PARP1: variants seen among roughly 807,000 people sequenced by gnomAD.
PARP1 encodes the protein poly [ADP-ribose] polymerase 1.
PARP1 carries 44 observed loss-of-function variants against 118.7 expected under a neutral mutation model. That is an observed-to-expected ratio of 0.37 (90% CI 0.29 to 0.48). The LOEUF is 0.48. PARP1 is among the 20% of genes least tolerant of loss of function. The pLI, the probability that PARP1 is intolerant of heterozygous loss-of-function variation, is 0.99. For missense variants in PARP1, 1,100 were observed against 1,272.4 expected (o/e 0.86, Z 2.06); for synonymous variants, 492 against 483.2 (o/e 1.02, Z -0.24).
rs752094167 is a variant in PARP1 at position 226,383,068 on chromosome 1, G to A, written c.1127C>T (p.Ala376Val). The A allele has an allele frequency of 1.9e-6, 3 of 1,612,936 alleles. No homozygotes were observed. The highest frequency in any genetic ancestry group is 2.7e-5 in the African/African-American group (2 of 75,044). The change falls in exon 8 of 23, where the codon GCT becomes GTT. Residue 376 changes from alanine to valine, a missense_variant. Physicochemically the swap from Ala to Val is moderately conservative, Grantham distance 64. Coordinates refer to ENST00000366794, the MANE Select transcript of PARP1 (RefSeq NM_001618.4). ...AATPPPSTAS[A>V]PAAVNSSASA... Reference sequence around the variant, plus strand: ...AGCAGAGGAGTTCACAGCAGCAGGAGCCGAGGCTGTGGAGGGCGGAGGCGT... The same window carrying A: ...AGCAGAGGAGTTCACAGCAGCAGGAACCGAGGCTGTGGAGGGCGGAGGCGT...
At chr1:226,389,843 C>G (rs1576399634) in intron 4 of PARP1, among the ~76,000 whole-genome samples, 1 of 152,160 alleles carries the variant, frequency 6.6e-6, no homozygotes, top group East Asian at 1.9e-4. Flanking sequence ...CAGACTGAGG[C>G]TGAGGGACCA....
Position 226,377,184 on chromosome 1 carries a change from G to GT in PARP1, c.1864dup (p.Thr622AsnfsTer23). The GT allele has an allele frequency of 1.2e-6, 2 of 1,614,096 alleles. No individual in the cohort carries two copies. Among genetic ancestry groups the GT allele is most frequent in the Non-Finnish European group, 1.7e-6 (2 of 1,180,006 alleles). On this transcript the variant is annotated frameshift_variant, in exon 13 of 23. Coordinates refer to ENST00000366794, the MANE Select transcript of PARP1 (RefSeq NM_001618.4). LOFTEE classifies it high-confidence loss of function. ...ATTTTTGGAGTGCCAAGCGTTCCCG[G>GT]TTTTTTCTTCATATAATTTCATGAA...
chr1:226,404,403 GCTTGTCTACCC>G (rs901344628), intron 1 of PARP1, among the ~76,000 whole-genome samples: 3 of 152,230 alleles, frequency 2.0e-5, no homozygotes, highest in African/African-American at 4.8e-5. Flanking sequence ...GGCTCTGCCT[GCTTGTCTACCC>G]CTTGTCTACC....
intron 1 of PARP1, 102 bp from the exon 2 acceptor site, chr1:226,402,481 G>A: frequency 9.1e-7 from 1 of 1,102,486 alleles, no homozygotes; most frequent in Non-Finnish European, 1.3e-6. Flanking sequence ...AGCCCCAGCA[G>A]TGGGATAGCA....
intron 9 of PARP1, 28 bp downstream of exon 9, chr1:226,381,040 C>T (rs979397250): frequency 6.2e-7 from 1 of 1,613,650 alleles, no homozygotes; most frequent in Non-Finnish European, 8.5e-7. Context: ...AGCATTGTCC[C>T]TGTTGCACAA....
chr1:226,390,761 G>C, intron 3 of PARP1, 137 bp from the exon 4 acceptor site: 1 of 761,708 alleles, frequency 1.3e-6, no homozygotes, highest in South Asian at 1.5e-5. Context: ...AGACTCATGA[G>C]CTTTTGAGAG....
intron 4 of PARP1, among the ~76,000 whole-genome samples, chr1:226,389,991 C>T (rs1019908012): frequency 6.6e-6 from 1 of 152,184 alleles, no homozygotes; most frequent in Non-Finnish European, 1.5e-5. Flanking sequence ...ATCCACTGCC[C>T]ATCCCCTAAC....
At chr1:226,380,510 A>C (rs540668410) in intron 9 of PARP1, among the ~76,000 whole-genome samples, 6 of 152,356 alleles carry the variant, frequency 3.9e-5, no homozygotes, top group African/African-American at 1.4e-4. Context: ...ACCCACACAG[A>C]AACCTGTTTA....
At chr1:226,381,557 GA>G (rs3219074) in intron 8 of PARP1, among the ~76,000 whole-genome samples, 34,224 of 152,180 alleles carry the variant, frequency 0.22, 4,615 homozygotes, top group African/African-American at 0.36. Context: ...CGGATGGGAA[GA>G]GGGGTAAGGT....
At chr1:226,403,517 A>T (rs1266076760) in intron 1 of PARP1, among the ~76,000 whole-genome samples, 1 of 152,210 alleles carries the variant, frequency 6.6e-6, no homozygotes, top group East Asian at 1.9e-4. Context: ...ATTGGGAAGA[A>T]GGGGAAGACA....
chr1:226,405,057 T>C (rs775787719), intron 1 of PARP1, among the ~76,000 whole-genome samples: 28 of 152,202 alleles, frequency 1.8e-4, no homozygotes, highest in Non-Finnish European at 3.7e-4. Flanking sequence ...AGGTATCAGA[T>C]ACTCAGAGAA....
chr1:226,365,542 G>A (rs188591712), intron 18 of PARP1, among the ~76,000 whole-genome samples: 17 of 152,228 alleles, frequency 1.1e-4, no homozygotes, highest in Admixed American at 3.9e-4. Flanking sequence ...CAACGCAGGC[G>A]GATCATCTGA....
At chr1:226,393,038 A>C in intron 2 of PARP1, 3 of 1,446,348 alleles carry the variant, frequency 2.1e-6, no homozygotes, top group Non-Finnish European at 2.8e-6. Context: ...GGAAAATAGT[A>C]AGTAAAGCCA....
chr1:226,374,478 G>T (rs1172625711), intron 13 of PARP1, 124 bp from the exon 14 acceptor site: 7 of 1,110,240 alleles, frequency 6.3e-6, no homozygotes, highest in East Asian at 4.8e-5. Flanking sequence ...AAAAAGCTGA[G>T]TGTTAATCAA....
rs3219147 is a variant in PARP1, at chr1:226,361,445, G to A, written c.*15C>T. The A allele has an allele frequency of 3.5e-4, 561 of 1,581,716 alleles. No homozygotes were observed. Among genetic ancestry groups the A allele is most frequent in the Admixed American group, 1.0e-3 (60 of 59,954 alleles). ...ATACCAGAGCCACCGGGTGTGACTC[G>A]GCTACCTCTCCCAATTACCACAGGG... On this transcript the variant is annotated 3_prime_UTR_variant, in exon 23 of 23. Transcript: ENST00000366794.
intron 15 of PARP1, among the ~76,000 whole-genome samples, 173 bp downstream of exon 15, chr1:226,370,261 T>C (rs921090697): frequency 2.0e-5 from 3 of 152,200 alleles, no homozygotes; most frequent in South Asian, 2.1e-4. Flanking sequence ...CTTTTGTAAG[T>C]AGCAGGCACT....
chr1:226,374,042 A>C (rs567268401), intron 14 of PARP1, among the ~76,000 whole-genome samples, 184 bp downstream of exon 14: 38 of 152,296 alleles, frequency 2.5e-4, no homozygotes, highest in Non-Finnish European at 4.9e-4. Flanking sequence ...AACCCTCTGC[A>C]AAAGTGCAAC....
Position 226,361,218 on chromosome 1 carries a change from T to C in PARP1, c.*242A>G. ...TCCAGCCTTTTCTCTATGTCAGTTT[T>C]ATCTACCTGGCAAGAAAAAACAAAA... On this transcript the variant is annotated 3_prime_UTR_variant, in exon 23 of 23. Coordinates refer to ENST00000366794, the MANE Select transcript of PARP1 (RefSeq NM_001618.4). 1.7e-6 allele frequency: 1 copy of C among 576,072 alleles called. No individual in the cohort carries two copies. The highest frequency in any genetic ancestry group is 2.0e-5 in the South Asian group (1 of 49,462). The allele number at this position is 576,072 out of a possible 1,614,324, so 35.7% of individuals were successfully genotyped here.
At position 226,370,809 on chromosome 1, in the gene PARP1, T is replaced by C. The variant is rs112457785; in HGVS notation, c.2071-292A>G. 2.9e-3 allele frequency: 1,289 copies of C among 447,004 alleles called. 17 individuals carry two copies. The highest frequency in any genetic ancestry group is 0.023 in the African/African-American group (1,174 of 50,286). 27.7% of individuals were successfully genotyped at this position (447,004 alleles called of 1,614,324 possible). ...ACAGTCCAGCACGTCTGGACGAAGA[T>C]ATAGCATAATTCCCATCCAATTCTG... is the stretch of plus-strand genomic sequence containing the variant. On this transcript the variant is annotated intron_variant, in intron 14 of 22. Transcript: ENST00000366794.
Sources: gnomAD v4.1 joint callset for allele counts (sites outside exome capture counted in the v4.1 genomes callset) on GRCh38, gnomAD v4.1.1 for gene constraint, MANE v1.5 for transcripts, NCBI Gene and HGNC (gene_info 2026-07-23, HGNC 2026-07-21) for gene names.